TSHR: variants seen among roughly 807,000 people sequenced by gnomAD.
TSHR encodes the protein thyrotropin receptor.
A neutral mutation model predicts 64.1 loss-of-function variants in TSHR; 51 were observed. That is an observed-to-expected ratio of 0.80 (90% CI 0.64 to 1.01). The LOEUF (loss-of-function observed/expected upper bound fraction) is 1.01, where lower values mean the gene tolerates loss of function less well. TSHR is among the 50% of genes least tolerant of loss of function. TSHR has a pLI of 0.00. For synonymous variants in TSHR, 361 were observed against 361.9 expected, an observed-to-expected ratio of 1.00 and a Z score of 0.03; for missense variants, 877 against 942.8, an observed-to-expected ratio of 0.93 and a Z score of 0.91.
chr14:80,978,782 A>G (rs1310872087), intron 1 of TSHR, among the ~76,000 whole-genome samples: 3 of 151,806 alleles, frequency 2.0e-5, no homozygotes, highest in African/African-American at 7.3e-5. Flanking sequence ...TTTCTCTTTC[A>G]TCTTCTCTGT....
At chr14:81,107,913 C>G (rs1044091599) in intron 7 of TSHR, among the ~76,000 whole-genome samples, 1 of 152,176 alleles carries the variant, frequency 6.6e-6, no homozygotes, top group African/African-American at 2.4e-5. Flanking sequence ...AAGAAAACAT[C>G]TGAATCTCTG....
chr14:80,983,469 C>T lies in TSHR; in HGVS notation c.170+27619C>T, dbSNP rs566394792. The T allele has an allele frequency of 5.3e-5, 72 of 1,350,728 alleles. No individual in the cohort carries two copies. The East Asian group carries it at 1.7e-3, about 31-fold the overall frequency. The allele number at this position is 1,350,728 out of a possible 1,614,324, so 83.7% of individuals were successfully genotyped here. On this transcript the variant is annotated intron_variant, in intron 1 of 9. Transcript: ENST00000298171. ...TATGAAGGCACTGGCAGCATCAAAA[C>T]TCATCTTTAACCATAAAGAGGCAAA...
In TSHR at chr14:81,073,010, A is replaced by T. The variant is rs1367081718; in HGVS notation, c.317+4682A>T. Among the ~76,000 whole-genome samples the T allele has an allele frequency of 7.9e-4, 42 of 53,482 alleles. 17 individuals are homozygous for T. The highest frequency in any genetic ancestry group is 1.9e-3 in the African/African-American group (37 of 19,956). 35.1% of individuals were successfully genotyped at this position (53,482 alleles called of 152,430 possible). A position where few individuals can be genotyped will look rare whatever the true frequency, so the allele number is the denominator to read the frequency against. The stretch of plus-strand genomic sequence containing the variant: ...AGACTCCGTCTCAAAAAAAAAAAAA[A>T]ATAAAAAATAAATATATATATATAT... On this transcript the variant is annotated intron_variant, in intron 3 of 9. Transcript: ENST00000298171.
chr14:81,060,472 T>C lies in TSHR; in HGVS notation c.171-1676T>C, dbSNP rs143861275. Among the ~76,000 whole-genome samples the C allele has an allele frequency of 7.9e-4, 120 of 152,282 alleles. 1 individual carries two copies. Among genetic ancestry groups the C allele is most frequent in the African/African-American group, 2.8e-3 (117 of 41,578 alleles). On this transcript the variant is annotated intron_variant, in intron 1 of 9. Transcript: ENST00000298171. ...AATATTAAGGCAACATTGGGCTTCA[T>C]GGCAAAACACCAGAGGTTGGGAAGA...
chr14:81,048,315 T>C (rs913277897), intron 1 of TSHR, among the ~76,000 whole-genome samples: 3 of 152,186 alleles, frequency 2.0e-5, no homozygotes, highest in East Asian at 3.8e-4. Context: ...TTTGTTATAA[T>C]GTTGATGAAA....
At chr14:81,107,765 AACAG>A (rs1254868604) in intron 7 of TSHR, among the ~76,000 whole-genome samples, 3 of 152,216 alleles carry the variant, frequency 2.0e-5, no homozygotes, top group Admixed American at 6.5e-5. Context: ...TCAGATCAAC[AACAG>A]ACAACTTTTA....
chr14:81,021,449 T>C (rs1490044973), intron 1 of TSHR, among the ~76,000 whole-genome samples: 2 of 152,204 alleles, frequency 1.3e-5, no homozygotes, highest in African/African-American at 4.8e-5. Context: ...CATATTTGTT[T>C]TCCCCAAATC....
At chr14:81,125,176 G>T (rs1237827411) in intron 8 of TSHR, among the ~76,000 whole-genome samples, 1 of 152,220 alleles carries the variant, frequency 6.6e-6, no homozygotes, top group Non-Finnish European at 1.5e-5. Context: ...TAGTTAGGGT[G>T]ATCAGCAAAA....
intron 1 of TSHR, among the ~76,000 whole-genome samples, chr14:80,968,163 T>C (rs1175690814): frequency 6.6e-6 from 1 of 151,986 alleles, no homozygotes. Context: ...TACTGTCGAG[T>C]TGTACCTGCC....
intron 1 of TSHR, among the ~76,000 whole-genome samples, chr14:80,958,449 G>A (rs906719483): frequency 3.3e-5 from 5 of 152,254 alleles, no homozygotes; most frequent in African/African-American, 1.2e-4. Context: ...TCCCCTGATG[G>A]TCATAGGCTT....
At chr14:81,008,258 C>T (rs937748083) in intron 1 of TSHR, among the ~76,000 whole-genome samples, 5 of 151,732 alleles carry the variant, frequency 3.3e-5, no homozygotes, top group Non-Finnish European at 7.4e-5. Context: ...CTGCAAGCTC[C>T]GCTTCCCGGG....
rs1445973826 is a variant in TSHR, at chr14:80,982,381, C to T, written c.170+26531C>T. On this transcript the variant is annotated intron_variant, in intron 1 of 9. Coordinates refer to ENST00000298171, the MANE Select transcript of TSHR (RefSeq NM_000369.5). ...CTGAAATGGAGAAGAGGCTGGTAAT[C>T]ATTCCGGTGCTAAGAATGATAAACC... 4 of 1,263,178 alleles carry T rather than the reference C, an allele frequency of 3.2e-6. No homozygotes were observed. In the African/African-American group the frequency reaches 6.0e-5, roughly 19 times the overall value. The allele number at this position is 1,263,178 out of a possible 1,614,324, so 78.2% of individuals were successfully genotyped here. A position where few individuals can be genotyped will look rare whatever the true frequency, so the allele number is the denominator to read the frequency against.
At chr14:80,987,365 A>G (rs1888511929) in intron 1 of TSHR, among the ~76,000 whole-genome samples, 1 of 152,098 alleles carries the variant, frequency 6.6e-6, no homozygotes, top group South Asian at 2.1e-4. Flanking sequence ...GGCTGATTTG[A>G]TTACTTCCCG....
In TSHR at chr14:81,021,090, C is replaced by A. The variant is rs114428651; in HGVS notation, c.171-41058C>A. On this transcript the variant is annotated intron_variant, in intron 1 of 9. Transcript: ENST00000298171. The stretch of plus-strand genomic sequence containing the variant: ...TGCATAATTATTTCATTATATATTA[C>A]CATGTAATAATAATAGAAATAACAT... Among the ~76,000 whole-genome samples, 575 of 152,066 alleles carry A rather than the reference C, an allele frequency of 3.8e-3. 8 individuals are homozygous for A. Among genetic ancestry groups the A allele is most frequent in the African/African-American group, 0.013 (559 of 41,470 alleles).
intron 1 of TSHR, among the ~76,000 whole-genome samples, chr14:81,041,798 C>T (rs1025290966): frequency 3.3e-5 from 5 of 152,116 alleles, no homozygotes; most frequent in African/African-American, 1.2e-4. Context: ...CATCATGTTA[C>T]AACTGTCTAC....
chr14:81,074,998 T>A (rs1282001663), intron 3 of TSHR, among the ~76,000 whole-genome samples: 1 of 152,268 alleles, frequency 6.6e-6, no homozygotes, highest in East Asian at 1.9e-4. Context: ...AAGCACTCTT[T>A]AGCCTAAAGC....
intron 1 of TSHR, among the ~76,000 whole-genome samples, chr14:81,018,549 G>A (rs564666488): frequency 4.9e-4 from 74 of 152,294 alleles, no homozygotes; most frequent in South Asian, 4.1e-4. Flanking sequence ...ACTGAGCACC[G>A]AAGAGTTGGA....
intron 1 of TSHR, among the ~76,000 whole-genome samples, chr14:80,966,589 A>T (rs550828647): frequency 6.6e-6 from 1 of 152,320 alleles, no homozygotes; most frequent in East Asian, 1.9e-4. Context: ...GCAAAAAAAA[A>T]AATAAAAATT....
intron 1 of TSHR, among the ~76,000 whole-genome samples, chr14:80,996,429 G>A (rs192047528): frequency 6.6e-6 from 1 of 152,174 alleles, no homozygotes; most frequent in Admixed American, 6.6e-5. Flanking sequence ...AGTAAGTGAC[G>A]ATGACTGGTT....
Sources: gnomAD v4.1 joint callset for allele counts (sites outside exome capture counted in the v4.1 genomes callset) on GRCh38, gnomAD v4.1.1 for gene constraint, MANE v1.5 for transcripts, NCBI Gene and HGNC (gene_info 2026-07-23, HGNC 2026-07-21) for gene names.